Variants in SMOC2 observed in about 807,000 individuals in gnomAD.
SMOC2 encodes the protein SPARC-related modular calcium-binding protein 2.
SMOC2 carries 39 observed loss-of-function variants against 61.4 expected under a neutral mutation model. The ratio of observed to expected loss-of-function variants is 0.64; its 90% CI spans 0.49 to 0.83. SMOC2 has a LOEUF of 0.83. Among genes scored for constraint, SMOC2 ranks in the 40% least tolerant of loss-of-function variants. The pLI is 0.00. For synonymous variants in SMOC2, 247 were observed against 239.9 expected, an observed-to-expected ratio of 1.03 and a Z score of -0.27; for missense variants, 556 against 592.9, an observed-to-expected ratio of 0.94 and a Z score of 0.65.
At chr6:168,585,626 TG>T (rs1258248163) in intron 7 of SMOC2, among the ~76,000 whole-genome samples, 1 of 152,208 alleles carries the variant, frequency 6.6e-6, no homozygotes, top group Non-Finnish European at 1.5e-5. Context: ...ACAGGAGGAA[TG>T]TCCGAGGCCT....
chr6:168,560,520 G>GAGGCTTTCACTGCA (rs1562348251), intron 7 of SMOC2, among the ~76,000 whole-genome samples: 1 of 81,088 alleles, frequency 1.2e-5, no homozygotes, highest in African/African-American at 4.4e-5. Context: ...CTCTCACTGC[G>GAGGCTTTCACTGCA]TTCTTGGAGG....
Position 168,547,138 on chromosome 6 carries a change from G to T in SMOC2, c.531G>T (p.Ala177=). Residue 177 remains alanine, a synonymous_variant, in exon 6 of 13, where the codon GCG becomes GCT. Transcript: ENST00000356284. ...ATTCAGATGATGCCGCAGCTCCAGCGTTGGAGACTCAGCCTCAAGGAGATG... is the reference window on the plus strand; with the variant it reads ...ATTCAGATGATGCCGCAGCTCCAGCTTTGGAGACTCAGCCTCAAGGAGATG... ...TGKTDDAAAP[A]LETQPQGDEE... is the part of the protein sequence containing the mutation. 6.2e-7 allele frequency: 1 copy of T among 1,614,054 alleles called. No homozygotes were observed. Among genetic ancestry groups the T allele is most frequent in the South Asian group, 1.1e-5 (1 of 91,080 alleles).
rs373256009 is a variant in SMOC2 at position 168,569,502 on chromosome 6, G to A, written c.637+20299G>A. On this transcript the variant is annotated intron_variant, in intron 7 of 12. Coordinates refer to ENST00000356284, the MANE Select transcript of SMOC2 (RefSeq NM_001166412.2). ...GTCACCCAGGCTGGAGTGCAATAGT[G>A]CAATCATGGTTCACTGCAACCTCCA... Among the ~76,000 whole-genome samples the A allele has an allele frequency of 1.4e-3, 209 of 152,212 alleles. 2 individuals are homozygous for A. In the South Asian group the frequency reaches 0.042, roughly 30 times the overall value.
Position 168,633,670 on chromosome 6 carries a change from G to A in SMOC2, c.908-17011G>A, listed in dbSNP as rs139306110. ...TGCAGGAGACACAGAAGGGCCAAGGGCATGGGAAAAAATAACAGAGGTCAG... is the reference window on the plus strand; with the variant it reads ...TGCAGGAGACACAGAAGGGCCAAGGACATGGGAAAAAATAACAGAGGTCAG... On this transcript the variant is annotated intron_variant, in intron 9 of 12. Coordinates refer to ENST00000356284, the MANE Select transcript of SMOC2 (RefSeq NM_001166412.2). Among the ~76,000 whole-genome samples the A allele has an allele frequency of 6.7e-4, 102 of 152,316 alleles. 5 individuals carry two copies. The East Asian group carries it at 0.016, about 24-fold the overall frequency.
rs561073975 is a variant in SMOC2 at position 168,632,818 on chromosome 6, C to T, written c.908-17863C>T. 7.9e-5 allele frequency among the ~76,000 whole-genome samples: 12 copies of T among 152,330 alleles called. No individual in the cohort carries two copies. In the East Asian group the frequency reaches 1.4e-3, roughly 17 times the overall value. On this transcript the variant is annotated intron_variant, in intron 9 of 12. Transcript: ENST00000356284. ...CTCAGAAGCTCCCAGAGACTGTCAT[C>T]AGCCCATCCTTTTGATGCCTTTTCC...
intron 10 of SMOC2, 137 bp downstream of exon 10, chr6:168,650,920 C>T: frequency 1.3e-6 from 1 of 741,356 alleles, no homozygotes; most frequent in Non-Finnish European, 2.2e-6. Context: ...GAGCCTTCTG[C>T]AAACACAGGA....
chr6:168,569,838 C>T (rs190903073), intron 7 of SMOC2, among the ~76,000 whole-genome samples: 81 of 152,280 alleles, frequency 5.3e-4, no homozygotes, highest in Non-Finnish European at 7.5e-4. Flanking sequence ...ATTTGCAGAG[C>T]GGAAGTTTTC....
intron 1 of SMOC2, among the ~76,000 whole-genome samples, chr6:168,502,034 TC>T (rs1249749705): frequency 6.6e-6 from 1 of 152,208 alleles, no homozygotes; most frequent in East Asian, 1.9e-4. Flanking sequence ...TTCTTGAACT[TC>T]TAATTTAGCT....
intron 7 of SMOC2, among the ~76,000 whole-genome samples, chr6:168,583,138 A>G (rs1036769677): frequency 6.6e-6 from 1 of 152,256 alleles, no homozygotes; most frequent in African/African-American, 2.4e-5. Flanking sequence ...CATGCTAGCC[A>G]TAGAAAATTC....
chr6:168,485,167 A>G (rs1782302152), intron 1 of SMOC2, among the ~76,000 whole-genome samples: 1 of 152,228 alleles, frequency 6.6e-6, no homozygotes, highest in African/African-American at 2.4e-5. Flanking sequence ...CATACACACT[A>G]GAATTAAAAA....
At chr6:168,444,463 C>T (rs9456113) in intron 1 of SMOC2, among the ~76,000 whole-genome samples, 62 of 152,282 alleles carry the variant, frequency 4.1e-4, no homozygotes, top group African/African-American at 1.4e-3. Flanking sequence ...CTTCTTTCCA[C>T]CAAAGTCATT....
At chr6:168,635,071 A>G (rs1786677659) in intron 9 of SMOC2, among the ~76,000 whole-genome samples, 1 of 152,242 alleles carries the variant, frequency 6.6e-6, no homozygotes, top group African/African-American at 2.4e-5. Context: ...AAGGGTCAAT[A>G]AACAGATCCC....
rs1455406586 is a variant in SMOC2 at position 168,454,846 on chromosome 6, G to A, written c.84+13392G>A. On this transcript the variant is annotated intron_variant, in intron 1 of 12. Transcript: ENST00000356284. ...AGACGCTGCTGGGGACAGGTTGTGCGTGGCCAGTGTTCCAGCAGATGCTAC... is the reference window on the plus strand; with the variant it reads ...AGACGCTGCTGGGGACAGGTTGTGCATGGCCAGTGTTCCAGCAGATGCTAC... 8.5e-5 allele frequency among the ~76,000 whole-genome samples: 13 copies of A among 152,326 alleles called. No homozygotes were observed. In the South Asian group the frequency reaches 1.2e-3, roughly 15 times the overall value.
intron 9 of SMOC2, among the ~76,000 whole-genome samples, chr6:168,618,963 G>A (rs2115227947): frequency 6.6e-6 from 1 of 152,230 alleles, no homozygotes; most frequent in East Asian, 1.9e-4. Flanking sequence ...AATATAATAA[G>A]ACAATAAATA....
chr6:168,523,297 C>T (rs1381825913), intron 2 of SMOC2, among the ~76,000 whole-genome samples: 3 of 147,934 alleles, frequency 2.0e-5, no homozygotes, highest in African/African-American at 7.4e-5. Flanking sequence ...ACCTTGTTAG[C>T]CAGGATGGTC....
chr6:168,637,978 G>A (rs1025055724), intron 9 of SMOC2, among the ~76,000 whole-genome samples: 5 of 102,246 alleles, frequency 4.9e-5, no homozygotes, highest in South Asian at 3.1e-4. Flanking sequence ...CCCCTGCCCC[G>A]CCCCTGCCCC....
intron 4 of SMOC2, among the ~76,000 whole-genome samples, chr6:168,540,723 C>T (rs1230927403): frequency 3.9e-5 from 6 of 152,156 alleles, no homozygotes; most frequent in Non-Finnish European, 7.3e-5. Context: ...ACAGAGACGC[C>T]GTCTAGACCA....
chr6:168,599,359 G>C (rs571933112), intron 8 of SMOC2, among the ~76,000 whole-genome samples: 2 of 91,168 alleles, frequency 2.2e-5, no homozygotes, highest in African/African-American at 4.4e-5. Context: ...CCACTCACAC[G>C]CACACAATCA....
chr6:168,665,326 A>G (rs1033243253), intron 12 of SMOC2: 1 of 153,018 alleles, frequency 6.5e-6, no homozygotes, highest in Non-Finnish European at 1.5e-5. Context: ...CATGCCTTTC[A>G]TGCTGTGGCT....
Sources: allele counts gnomAD v4.1 joint callset (sites outside exome capture counted in the v4.1 genomes callset), GRCh38; gene constraint gnomAD v4.1.1; transcripts MANE v1.5; gene names NCBI Gene and HGNC (gene_info 2026-07-23, HGNC 2026-07-21).